The following NELL1 variants were observed in gnomAD, a reference collection of about 807,000 sequenced individuals.
NELL1 encodes the protein neural EGFL like 1.
NELL1 carries 76 observed loss-of-function variants against 107.4 expected under a neutral mutation model. That is an observed-to-expected ratio of 0.71 (90% CI 0.59 to 0.86). NELL1 has a LOEUF of 0.86. Ranked by LOEUF, NELL1 falls within the 40% of genes least tolerant of loss-of-function variation. NELL1 has a pLI of 0.00. For missense variants in NELL1, 1,024 were observed against 1,005.5 expected (o/e 1.02, Z -0.25); for synonymous variants, 353 against 341.2 (o/e 1.03, Z -0.38).
chr11:21,132,249 A>G (rs1420661498), intron 13 of NELL1, among the ~76,000 whole-genome samples: 1 of 152,056 alleles, frequency 6.6e-6, no homozygotes, highest in Non-Finnish European at 1.5e-5. Context: ...GCACACACAC[A>G]GGGCAATGGG....
At chr11:21,039,865 T>C (rs1169381789) in intron 12 of NELL1, among the ~76,000 whole-genome samples, 1 of 152,140 alleles carries the variant, frequency 6.6e-6, no homozygotes, top group Non-Finnish European at 1.5e-5. Flanking sequence ...AACCCACACC[T>C]TTCTTGGCTT....
At chr11:21,509,414 A>C (rs537757266) in intron 15 of NELL1, among the ~76,000 whole-genome samples, 2 of 152,198 alleles carry the variant, frequency 1.3e-5, no homozygotes, top group Non-Finnish European at 2.9e-5. Flanking sequence ...TATGAGCAGG[A>C]TTGTTCATAG....
chr11:20,986,040 C>T (rs1444654887), intron 12 of NELL1, among the ~76,000 whole-genome samples: 1 of 152,176 alleles, frequency 6.6e-6, no homozygotes, highest in Non-Finnish European at 1.5e-5. Flanking sequence ...CTATGAGCTA[C>T]ACTTGATATG....
chr11:20,709,882 T>C (rs71488754), intron 2 of NELL1, among the ~76,000 whole-genome samples: 2,464 of 152,284 alleles, frequency 0.016, 30 homozygotes, highest in Non-Finnish European at 0.023. Flanking sequence ...GTGCTACTGA[T>C]TTGTGTACAT....
chr11:20,701,607 G>A (rs910115626), intron 2 of NELL1, among the ~76,000 whole-genome samples: 5 of 152,176 alleles, frequency 3.3e-5, no homozygotes, highest in Admixed American at 2.0e-4. Flanking sequence ...GAATGGTGAT[G>A]CATAGGTTTT....
At chr11:21,574,841 T>C in intron 19 of NELL1, 131 bp from the exon 20 acceptor site, 1 of 707,322 alleles carries the variant, frequency 1.4e-6, no homozygotes, top group Admixed American at 2.7e-5. Flanking sequence ...AGCATTTTTT[T>C]CTAGTCATTT....
intron 12 of NELL1, among the ~76,000 whole-genome samples, chr11:21,047,880 G>A (rs1006115214): frequency 6.6e-6 from 1 of 152,162 alleles, no homozygotes; most frequent in Non-Finnish European, 1.5e-5. Context: ...CTGCTCCCCA[G>A]CATCTCTAAT....
At chr11:20,972,918 A>C (rs1328064609) in intron 12 of NELL1, among the ~76,000 whole-genome samples, 7 of 152,142 alleles carry the variant, frequency 4.6e-5, no homozygotes, top group African/African-American at 1.7e-4. Context: ...TGAAACCCAT[A>C]GGATCCATTG....
At chr11:21,248,759 A>G (rs1858561420) in intron 14 of NELL1, among the ~76,000 whole-genome samples, 1 of 152,156 alleles carries the variant, frequency 6.6e-6, no homozygotes, top group South Asian at 2.1e-4. Flanking sequence ...GGAACTCATA[A>G]CTTTTCTTTA....
At position 20,819,772 on chromosome 11, in the gene NELL1, TCAATATC is replaced by T. The variant is rs1857708965; in HGVS notation, c.336-27810_336-27804del. Among the ~76,000 whole-genome samples, 4 of 152,338 alleles carry T rather than the reference TCAATATC, an allele frequency of 2.6e-5. No homozygotes were observed. In the South Asian group the frequency reaches 8.3e-4, roughly 32 times the overall value. On this transcript the variant is annotated intron_variant, in intron 3 of 19. Coordinates refer to ENST00000357134, the MANE Select transcript of NELL1 (RefSeq NM_006157.5). ...ACTTGAAGAAAGCCATGAGAATTTG[TCAATATC>T]TTTACCCACTTTTTTGCAAAGGATT...
At chr11:20,892,043 C>G (rs1471799646) in intron 5 of NELL1, among the ~76,000 whole-genome samples, 1 of 152,144 alleles carries the variant, frequency 6.6e-6, no homozygotes, top group Non-Finnish European at 1.5e-5. Context: ...ACTCTCCACC[C>G]CAAATCAACA....
rs147618023 is a variant in NELL1 at position 20,758,574 on chromosome 11, G to A, written c.185-25106G>A. 1.1e-3 allele frequency among the ~76,000 whole-genome samples: 170 copies of A among 152,276 alleles called. No homozygotes were observed. The Middle Eastern group carries it at 0.031, about 27-fold the overall frequency. ...CTGAAAATGTTCAAACCAAAGCCAG[G>A]AAAACAATCCCTCAGAGTTATTGTA... On this transcript the variant is annotated intron_variant, in intron 2 of 19. Coordinates refer to ENST00000357134, the MANE Select transcript of NELL1 (RefSeq NM_006157.5).
intron 11 of NELL1, among the ~76,000 whole-genome samples, chr11:20,954,984 C>T (rs12797035): frequency 6.6e-6 from 1 of 152,142 alleles, no homozygotes; most frequent in Non-Finnish European, 1.5e-5. Context: ...ACAAGGAATA[C>T]GTGTGATAAA....
intron 13 of NELL1, among the ~76,000 whole-genome samples, chr11:21,165,074 T>C (rs16907592): frequency 0.015 from 2,237 of 152,328 alleles, 67 homozygotes; most frequent in African/African-American, 0.049. Flanking sequence ...TGTTGAGTTA[T>C]TGTTATTAAT....
chr11:21,458,772 T>C (rs1853817151), intron 15 of NELL1, among the ~76,000 whole-genome samples: 1 of 152,136 alleles, frequency 6.6e-6, no homozygotes, highest in African/African-American at 2.4e-5. Flanking sequence ...AAGGGTTAGT[T>C]TTAGGTGCAG....
At chr11:21,019,338 A>G (rs1014849671) in intron 12 of NELL1, among the ~76,000 whole-genome samples, 1 of 152,082 alleles carries the variant, frequency 6.6e-6, no homozygotes, top group Non-Finnish European at 1.5e-5. Context: ...CTGAACTTTA[A>G]TACTGCATCT....
intron 15 of NELL1, among the ~76,000 whole-genome samples, chr11:21,457,887 G>A (rs1853788120): frequency 6.6e-6 from 1 of 152,156 alleles, no homozygotes; most frequent in African/African-American, 2.4e-5. Flanking sequence ...ATATTTAACA[G>A]TGATACATAC....
At chr11:21,103,017 C>T (rs186584261) in intron 12 of NELL1, among the ~76,000 whole-genome samples, 12 of 152,194 alleles carry the variant, frequency 7.9e-5, no homozygotes, top group Admixed American at 3.3e-4. Context: ...CTCTACATGG[C>T]GAAATACATG....
chr11:21,198,082 G>A (rs1230988937), intron 13 of NELL1, among the ~76,000 whole-genome samples: 1 of 152,164 alleles, frequency 6.6e-6, no homozygotes, highest in Non-Finnish European at 1.5e-5. Flanking sequence ...GCTGGGAAAT[G>A]GAATCAACTG....
Sources: allele counts gnomAD v4.1 joint callset (sites outside exome capture counted in the v4.1 genomes callset), GRCh38; gene constraint gnomAD v4.1.1; transcripts MANE v1.5; gene names NCBI Gene and HGNC (gene_info 2026-07-23, HGNC 2026-07-21).